Variants in PDGFC observed in about 807,000 individuals in gnomAD.
PDGFC encodes the protein platelet-derived growth factor C.
In PDGFC, 12 loss-of-function variants were observed where a neutral mutation model predicts 35.5. The observed-to-expected ratio is 0.34, with a 90% CI of 0.22 to 0.55. The LOEUF (loss-of-function observed/expected upper bound fraction) is 0.55. PDGFC is among the 20% of genes least tolerant of loss of function. The probability of loss-of-function intolerance (pLI) is 0.91; values close to 1 mark genes in which losing one functional copy is unlikely to be tolerated. For synonymous variants in PDGFC, 159 were observed against 148.8 expected (o/e 1.07, Z -0.50); for missense variants, 322 against 412.4 (o/e 0.78, Z 1.90).
chr4:156,964,550 G>A (rs184468712), intron 1 of PDGFC, among the ~76,000 whole-genome samples: 209 of 151,280 alleles, frequency 1.4e-3, no homozygotes, highest in African/African-American at 4.7e-3. Context: ...TACTGTTCCC[G>A]TAAATATTTC....
intron 2 of PDGFC, among the ~76,000 whole-genome samples, chr4:156,831,579 G>A (rs1728934622): frequency 6.6e-6 from 1 of 151,480 alleles, no homozygotes; most frequent in African/African-American, 2.4e-5. Flanking sequence ...GAATAGCTGG[G>A]ACCACAGGGA....
chr4:156,860,372 A>G (rs1014976140), intron 1 of PDGFC, among the ~76,000 whole-genome samples: 1 of 152,096 alleles, frequency 6.6e-6, no homozygotes, highest in Admixed American at 6.6e-5. Flanking sequence ...GGCTGCATTC[A>G]CGACCTTCGA....
At chr4:156,840,388 T>C (rs963817123) in intron 2 of PDGFC, among the ~76,000 whole-genome samples, 5 of 152,180 alleles carry the variant, frequency 3.3e-5, no homozygotes, top group South Asian at 2.1e-4. Flanking sequence ...TATGTAGTGT[T>C]GGTCCTGTGG....
At chr4:156,859,165 T>C (rs974050620) in intron 1 of PDGFC, among the ~76,000 whole-genome samples, 8 of 152,034 alleles carry the variant, frequency 5.3e-5, no homozygotes, top group African/African-American at 1.9e-4. Flanking sequence ...GCAAAACAAA[T>C]GAATTTTAAA....
chr4:156,806,161 T>C (rs1037646522), intron 3 of PDGFC, among the ~76,000 whole-genome samples: 2 of 152,054 alleles, frequency 1.3e-5, no homozygotes, highest in African/African-American at 2.4e-5. Flanking sequence ...TGTAAAATCA[T>C]AGAAGTGATA....
chr4:156,821,759 A>G (rs1414183101), intron 2 of PDGFC, among the ~76,000 whole-genome samples: 1 of 152,072 alleles, frequency 6.6e-6, no homozygotes, highest in East Asian at 1.9e-4. Flanking sequence ...TATGTTGGCC[A>G]GGCTGGTCTT....
rs187088695 is a variant in PDGFC, at chr4:156,946,435, G to T, written c.118+24351C>A. ...ATTTATCAATAAAAATTATAAACAA[G>T]CATGCTATAGTGAGGTTTCCACCTT... On this transcript the variant is annotated intron_variant, in intron 1 of 5. Coordinates refer to ENST00000502773, the MANE Select transcript of PDGFC (RefSeq NM_016205.3). Among the ~76,000 whole-genome samples, 13 of 152,088 alleles carry T rather than the reference G, an allele frequency of 8.5e-5. 1 individual carries two copies. The highest frequency in any genetic ancestry group is 8.5e-4 in the Admixed American group (13 of 15,262).
intron 3 of PDGFC, among the ~76,000 whole-genome samples, chr4:156,798,304 A>G (rs1731505678): frequency 6.6e-6 from 1 of 152,224 alleles, no homozygotes; most frequent in Non-Finnish European, 1.5e-5. Flanking sequence ...AAAGGGCATC[A>G]CAACAGCAAG....
At chr4:156,888,872 T>G (rs1730438220) in intron 1 of PDGFC, among the ~76,000 whole-genome samples, 1 of 152,190 alleles carries the variant, frequency 6.6e-6, no homozygotes, top group African/African-American at 2.4e-5. Flanking sequence ...TTAGAGAGAT[T>G]GCTCACCCAA....
intron 1 of PDGFC, among the ~76,000 whole-genome samples, chr4:156,852,184 C>A (rs1729473914): frequency 6.6e-6 from 1 of 151,966 alleles, no homozygotes; most frequent in Admixed American, 6.6e-5. Context: ...TTTAGCAATG[C>A]CTCATTGGTA....
At chr4:156,899,761 G>T (rs1263019690) in intron 1 of PDGFC, among the ~76,000 whole-genome samples, 37 of 152,216 alleles carry the variant, frequency 2.4e-4, no homozygotes, top group Admixed American at 2.4e-3. Flanking sequence ...GTTACAGTGA[G>T]CTGAGATTGT....
chr4:156,825,847 T>C (rs1301648819), intron 2 of PDGFC, among the ~76,000 whole-genome samples: 1 of 151,112 alleles, frequency 6.6e-6, no homozygotes, highest in African/African-American at 2.5e-5. Context: ...GTCAGGAACA[T>C]GTTAGTATGA....
intron 2 of PDGFC, among the ~76,000 whole-genome samples, chr4:156,824,327 T>TATATATATATATACACATATACACATAC (rs1491500876): frequency 1.9e-4 from 20 of 102,782 alleles, no homozygotes; most frequent in South Asian, 1.3e-3. Flanking sequence ...TATATATATA[T>TATATATATATATACACATATACACATAC]ACACACACAC....
chr4:156,781,447 T>C (rs1374665536), intron 3 of PDGFC, among the ~76,000 whole-genome samples: 1 of 152,192 alleles, frequency 6.6e-6, no homozygotes, highest in African/African-American at 2.4e-5. Context: ...TAGAAAAATA[T>C]CCTGCTTTTA....
At chr4:156,928,435 T>C (rs1731469093) in intron 1 of PDGFC, among the ~76,000 whole-genome samples, 1 of 152,082 alleles carries the variant, frequency 6.6e-6, no homozygotes, top group Non-Finnish European at 1.5e-5. Context: ...AACCGTGGGA[T>C]TACTAGCTAC....
intron 1 of PDGFC, among the ~76,000 whole-genome samples, chr4:156,856,418 T>G (rs888960476): frequency 6.6e-6 from 1 of 152,176 alleles, no homozygotes; most frequent in Non-Finnish European, 1.5e-5. Context: ...CTTCATGCGA[T>G]AACCTCTAGG....
intron 2 of PDGFC, among the ~76,000 whole-genome samples, chr4:156,831,497 G>C (rs1188263379): frequency 7.1e-6 from 1 of 140,742 alleles, no homozygotes; most frequent in Non-Finnish European, 1.5e-5. Flanking sequence ...AGGCTGGAGT[G>C]CAGTGCCATG....
chr4:156,792,583 CTATCTTCAGGCAGAAATGCCAT>C (rs1265446856), intron 3 of PDGFC, among the ~76,000 whole-genome samples: 74 of 152,284 alleles, frequency 4.9e-4, no homozygotes, highest in African/African-American at 1.5e-3. Flanking sequence ...CAAAAATACA[CTATCTTCAGGCAGAAATGCCAT>C]TATCTTCAGG....
At chr4:156,896,020 T>C (rs1006479587) in intron 1 of PDGFC, among the ~76,000 whole-genome samples, 1 of 152,136 alleles carries the variant, frequency 6.6e-6, no homozygotes, top group Admixed American at 6.6e-5. Context: ...GAAATGATTA[T>C]ATCATTTTAA....
Sources: gnomAD v4.1 joint callset for allele counts (sites outside exome capture counted in the v4.1 genomes callset) on GRCh38, gnomAD v4.1.1 for gene constraint, MANE v1.5 for transcripts, NCBI Gene and HGNC (gene_info 2026-07-23, HGNC 2026-07-21) for gene names.